The following GLCE variants were observed in gnomAD, a reference collection of about 807,000 sequenced individuals.
GLCE encodes the protein D-glucuronyl C5-epimerase.
GLCE carries 19 observed loss-of-function variants against 47.9 expected under a neutral mutation model. The ratio of observed to expected loss-of-function variants is 0.40; its 90% CI spans 0.28 to 0.58. GLCE has a LOEUF of 0.58. GLCE is among the 20% of genes least tolerant of loss of function. The pLI is 0.48. For missense variants in GLCE, 556 were observed against 743.3 expected, an observed-to-expected ratio of 0.75 and a Z score of 2.93; for synonymous variants, 245 against 263.4, an observed-to-expected ratio of 0.93 and a Z score of 0.68.
At chr15:69,249,010 G>A (rs1022594500) in intron 2 of GLCE, among the ~76,000 whole-genome samples, 8 of 152,170 alleles carry the variant, frequency 5.3e-5, no homozygotes, top group African/African-American at 1.9e-4. Flanking sequence ...TGTATAATAT[G>A]TCAAATGGTG....
At chr15:69,179,790 C>G (rs899827102) in intron 1 of GLCE, among the ~76,000 whole-genome samples, 9 of 152,120 alleles carry the variant, frequency 5.9e-5, no homozygotes, top group African/African-American at 2.2e-4. Flanking sequence ...AGTTCAAGAC[C>G]AGCCTGGCTA....
At chr15:69,207,448 A>C (rs2052168131) in intron 1 of GLCE, among the ~76,000 whole-genome samples, 1 of 152,054 alleles carries the variant, frequency 6.6e-6, no homozygotes, top group South Asian at 2.1e-4. Context: ...CTGACAACCA[A>C]AATCTCCTGT....
intron 1 of GLCE, among the ~76,000 whole-genome samples, chr15:69,162,180 T>C (rs1455764213): frequency 6.6e-6 from 1 of 152,158 alleles, no homozygotes; most frequent in Non-Finnish European, 1.5e-5. Context: ...TTAATCGAGC[T>C]TTTTTAGAGA....
At chr15:69,180,458 G>T (rs1236112808) in intron 1 of GLCE, among the ~76,000 whole-genome samples, 1 of 152,156 alleles carries the variant, frequency 6.6e-6, no homozygotes, top group Non-Finnish European at 1.5e-5. Flanking sequence ...ATAAACCAGG[G>T]AAGGGGGAAT....
intron 2 of GLCE, among the ~76,000 whole-genome samples, chr15:69,235,386 G>A (rs533928035): frequency 2.1e-5 from 3 of 144,212 alleles, no homozygotes; most frequent in Admixed American, 1.3e-4. Context: ...GGGATTACAG[G>A]TATGAGTCAC....
chr15:69,227,040 C>A (rs1190178741), intron 2 of GLCE, among the ~76,000 whole-genome samples: 1 of 152,038 alleles, frequency 6.6e-6, no homozygotes, highest in Non-Finnish European at 1.5e-5. Context: ...CCACCATGCC[C>A]AGCCAAGAGT....
At chr15:69,263,010 G>A (rs2053035376) in intron 4 of GLCE, among the ~76,000 whole-genome samples, 1 of 152,110 alleles carries the variant, frequency 6.6e-6, no homozygotes, top group African/African-American at 2.4e-5. Flanking sequence ...TAGCCCGAGG[G>A]TAACATATTA....
Position 69,255,010 on chromosome 15 carries a change from A to G in GLCE, c.-13-784A>G, listed in dbSNP as rs538389127. On this transcript the variant is annotated intron_variant, in intron 2 of 4. Coordinates refer to ENST00000261858, the MANE Select transcript of GLCE (RefSeq NM_015554.3). ...GCCAGTGGGATTTTAGGAGAACCAAAAGAGAATGGTGCCCTAGAAACCATG... is the reference window on the plus strand; with the variant it reads ...GCCAGTGGGATTTTAGGAGAACCAAGAGAGAATGGTGCCCTAGAAACCATG... Among the ~76,000 whole-genome samples the G allele has an allele frequency of 2.6e-5, 4 of 152,298 alleles. No individual in the cohort carries two copies. In the South Asian group the frequency reaches 8.3e-4, roughly 32 times the overall value.
chr15:69,181,619 G>T (rs1028579426), intron 1 of GLCE, among the ~76,000 whole-genome samples: 1 of 152,170 alleles, frequency 6.6e-6, no homozygotes, highest in African/African-American at 2.4e-5. Flanking sequence ...GAATTCATTA[G>T]TGATTCTGAC....
chr15:69,164,524 T>C (rs1245536462), intron 1 of GLCE, among the ~76,000 whole-genome samples: 1 of 150,000 alleles, frequency 6.7e-6, no homozygotes, highest in East Asian at 1.9e-4. Context: ...GTTATATACA[T>C]ATGCCATATA....
rs377327304 is a variant in GLCE, at chr15:69,256,075, G to T, written c.269G>T (p.Gly90Val). The T allele has an allele frequency of 2.5e-6, 4 of 1,614,084 alleles. No individual in the cohort carries two copies. The African/African-American group carries it at 5.3e-5, about 22-fold the overall frequency. Residue 90 changes from glycine (G) to valine (V), a missense_variant, in exon 3 of 5, where the codon GGC (glycine) becomes GTC (valine). Around this residue, in one of 3 missense-constraint regions of GLCE, gnomAD observed 237 missense variants for 310.9 expected, o/e 0.76. Coordinates refer to ENST00000261858, the MANE Select transcript of GLCE (RefSeq NM_015554.3). ...CAGAAAGCACCCCCTGTTGTTGGGG[G>T]CTTCAATAGCAATGTGGGAAGTAAG... The part of the protein sequence containing the change: ...EQQKAPPVVG[G>V]FNSNVGSKVL...
chr15:69,177,756 C>CTTTATCAT (rs2051691835), intron 1 of GLCE, among the ~76,000 whole-genome samples: 1 of 149,856 alleles, frequency 6.7e-6, no homozygotes, highest in African/African-American at 2.5e-5. Context: ...ACTTCATGCC[C>CTTTATCAT]CTCCACACTC....
chr15:69,166,741 G>C (rs1011002276), intron 1 of GLCE, among the ~76,000 whole-genome samples: 1 of 151,708 alleles, frequency 6.6e-6, no homozygotes, highest in African/African-American at 2.4e-5. Flanking sequence ...CTAACATGGT[G>C]AAACCCCGTC....
chr15:69,257,146 T>C (rs2052937172), intron 3 of GLCE, among the ~76,000 whole-genome samples: 2 of 152,322 alleles, frequency 1.3e-5, no homozygotes, highest in Non-Finnish European at 2.9e-5. Flanking sequence ...TATTTTTTGC[T>C]CTGGAAAGAA....
At chr15:69,164,840 A>T (rs6494786) in intron 1 of GLCE, among the ~76,000 whole-genome samples, 4 of 152,042 alleles carry the variant, frequency 2.6e-5, no homozygotes, top group African/African-American at 9.7e-5. Flanking sequence ...TTTTAGTTCC[A>T]ATCCCTGGTT....
At chr15:69,236,179 G>A (rs1270024917) in intron 2 of GLCE, among the ~76,000 whole-genome samples, 1 of 146,314 alleles carries the variant, frequency 6.8e-6, no homozygotes, top group East Asian at 1.9e-4. Context: ...ACCATTTGGT[G>A]GACATTTGGG....
rs139626130 is a variant in GLCE, at chr15:69,215,986, C to T, written c.-14+5580C>T. The stretch of plus-strand genomic sequence containing the variant: ...CCAAATTAGCTGTTATTATCTCTGA[C>T]TATTTAGCTATGCTTTATAATAAAA... On this transcript the variant is annotated intron_variant, in intron 2 of 4. Coordinates refer to ENST00000261858, the MANE Select transcript of GLCE (RefSeq NM_015554.3). 5.9e-4 allele frequency among the ~76,000 whole-genome samples: 90 copies of T among 152,196 alleles called. 1 individual carries two copies. In the East Asian group the frequency reaches 0.016, roughly 27 times the overall value.
At chr15:69,248,480 G>C (rs1029398395) in intron 2 of GLCE, among the ~76,000 whole-genome samples, 1 of 152,090 alleles carries the variant, frequency 6.6e-6, no homozygotes, top group African/African-American at 2.4e-5. Flanking sequence ...TCAAATGTCT[G>C]TTTTTTATCT....
intron 1 of GLCE, among the ~76,000 whole-genome samples, chr15:69,174,236 A>C (rs905354278): frequency 1.3e-5 from 2 of 152,246 alleles, no homozygotes; most frequent in African/African-American, 4.8e-5. Flanking sequence ...GTCACAGACT[A>C]ATTGAAGTTG....
Sources: gnomAD v4.1 joint callset for allele counts (sites outside exome capture counted in the v4.1 genomes callset) on GRCh38, gnomAD v4.1.1 for gene constraint, gnomAD v4.1.1 regional missense constraint, MANE v1.5 for transcripts, NCBI Gene and HGNC (gene_info 2026-07-23, HGNC 2026-07-21) for gene names.